The following EIF4G3 variants were observed in gnomAD, a reference collection of about 807,000 sequenced individuals.
The protein encoded by EIF4G3 is eukaryotic translation initiation factor 4 gamma 3.
Under a neutral mutation model 186.4 loss-of-function variants are expected in EIF4G3, and 34 were observed. The observed-to-expected ratio is 0.18, with a 90% confidence interval of 0.14 to 0.24. EIF4G3 has a LOEUF of 0.24. EIF4G3 is among the 10% of genes least tolerant of loss of function. The pLI is 1.00. For missense variants in EIF4G3, 1,536 were observed against 1,948.5 expected (o/e 0.79, Z 3.99); for synonymous variants, 673 against 679.5 (o/e 0.99, Z 0.15).
At chr1:21,134,902 T>C (rs2097212458) in intron 2 of EIF4G3, among the ~76,000 whole-genome samples, 2 of 152,064 alleles carry the variant, frequency 1.3e-5, no homozygotes, top group African/African-American at 2.4e-5. Flanking sequence ...TCTCTAACAG[T>C]TACCAATCTC....
intron 2 of EIF4G3, chr1:21,175,373 C>T (rs981540349): frequency 5.9e-5 from 9 of 152,166 alleles, no homozygotes; most frequent in African/African-American, 2.2e-4. Flanking sequence ...GACTTTCCTC[C>T]AGAAGCCCTG....
rs1411376450 is a variant in EIF4G3 at position 20,941,832 on chromosome 1, A to G, written c.1322T>C (p.Leu441Pro). The change falls in exon 14 of 37, where the codon CTT becomes CCT. Residue 441 changes from leucine (L) to proline (P), a missense_variant. Around this residue, in one of 11 missense-constraint regions of EIF4G3, gnomAD observed 560 missense variants for 547.8 expected, o/e 1.02. Coordinates refer to ENST00000602326, the MANE Select transcript of EIF4G3 (RefSeq NM_001391906.1). ...IVKQEVLPLT[L>P]ELEILENPPE... ...GGGATTTTCGAGAATCTCCAATTCAAGAGTCAATGGCAATACTTCCTGTTT... is the reference window on the plus strand; with the variant it reads ...GGGATTTTCGAGAATCTCCAATTCAGGAGTCAATGGCAATACTTCCTGTTT... The G allele has an allele frequency of 1.9e-6, 3 of 1,614,140 alleles. No individual in the cohort carries two copies. The highest frequency in any genetic ancestry group is 2.5e-6 in the Non-Finnish European group (3 of 1,180,012).
chr1:21,002,918 T>C (rs2083909483), intron 4 of EIF4G3, 110 bp from the exon 5 acceptor site: 1 of 562,670 alleles, frequency 1.8e-6, no homozygotes, highest in Non-Finnish European at 3.1e-6. Flanking sequence ...ATGTGGTTTA[T>C]ATTCTACTTT....
At chr1:21,124,467 C>A (rs570601081) in intron 2 of EIF4G3, among the ~76,000 whole-genome samples, 1 of 152,154 alleles carries the variant, frequency 6.6e-6, no homozygotes, top group South Asian at 2.1e-4. Flanking sequence ...TTATGGAAAT[C>A]TAAAGGGTAG....
At chr1:20,823,990 C>A (rs2063018270) in intron 33 of EIF4G3, among the ~76,000 whole-genome samples, 1 of 152,230 alleles carries the variant, frequency 6.6e-6, no homozygotes, top group African/African-American at 2.4e-5. Flanking sequence ...CAAGGTAATA[C>A]TGAACTGGGA....
intron 2 of EIF4G3, among the ~76,000 whole-genome samples, chr1:21,140,821 T>TA (rs2102648108): frequency 6.6e-6 from 1 of 152,340 alleles, no homozygotes; most frequent in East Asian, 1.9e-4. Context: ...AAGCTTCAAT[T>TA]ACGTTCTTCA....
At chr1:20,846,963 C>T (rs1284728543) in intron 29 of EIF4G3, among the ~76,000 whole-genome samples, 1 of 152,138 alleles carries the variant, frequency 6.6e-6, no homozygotes, top group East Asian at 1.9e-4. Flanking sequence ...ACAATAGCAC[C>T]TAATAGGAAG....
chr1:21,004,962 G>A lies in EIF4G3; in HGVS notation c.-66-2154C>T, dbSNP rs1423284757. Among the ~76,000 whole-genome samples the A allele has an allele frequency of 8.6e-5, 13 of 151,990 alleles. No individual in the cohort carries two copies. The East Asian group carries it at 2.5e-3, about 29-fold the overall frequency. Reference sequence around the variant, plus strand: ...TCCTACTCTAGTTCTACTAAATCTAGCCACTAACCTAAAAATATGGCAGCA... The same window carrying A: ...TCCTACTCTAGTTCTACTAAATCTAACCACTAACCTAAAAATATGGCAGCA... On this transcript the variant is annotated intron_variant, in intron 4 of 36. Coordinates refer to ENST00000602326, the MANE Select transcript of EIF4G3 (RefSeq NM_001391906.1).
chr1:20,926,693 A>AAAT (rs1447564598), intron 14 of EIF4G3, among the ~76,000 whole-genome samples: 3 of 151,756 alleles, frequency 2.0e-5, no homozygotes, highest in South Asian at 2.1e-4. Flanking sequence ...AAAAAAAAAA[A>AAAT]AACTACAATT....
At chr1:20,816,821 A>G (rs1260527229) in intron 34 of EIF4G3, among the ~76,000 whole-genome samples, 2 of 94,386 alleles carry the variant, frequency 2.1e-5, no homozygotes, top group African/African-American at 7.4e-5. Context: ...GTGGGGAAAA[A>G]ATTGAGAAAT....
intron 33 of EIF4G3, among the ~76,000 whole-genome samples, chr1:20,819,878 T>C (rs1269192333): frequency 1.4e-5 from 2 of 146,260 alleles, no homozygotes; most frequent in Non-Finnish European, 3.0e-5. Flanking sequence ...GGAGAGGGAG[T>C]GGAGAAGGAG....
intron 3 of EIF4G3, among the ~76,000 whole-genome samples, chr1:21,058,158 A>G (rs2094655367): frequency 6.6e-6 from 1 of 152,192 alleles, no homozygotes; most frequent in Non-Finnish European, 1.5e-5. Flanking sequence ...TCATTCTTAC[A>G]TGACTCCAGA....
chr1:20,844,004 G>A (rs906634557), intron 29 of EIF4G3, among the ~76,000 whole-genome samples: 2 of 152,176 alleles, frequency 1.3e-5, no homozygotes, highest in African/African-American at 4.8e-5. Context: ...TTGTATGGCT[G>A]TATAATATTT....
intron 3 of EIF4G3, among the ~76,000 whole-genome samples, chr1:21,079,247 A>G (rs921196994): frequency 1.3e-5 from 2 of 152,178 alleles, no homozygotes; most frequent in Non-Finnish European, 2.9e-5. Flanking sequence ...ATCCTAGCCT[A>G]CTCAATAGTG....
chr1:21,059,547 A>T (rs1232178157), intron 3 of EIF4G3, among the ~76,000 whole-genome samples: 1 of 152,134 alleles, frequency 6.6e-6, no homozygotes, highest in Non-Finnish European at 1.5e-5. Flanking sequence ...AACCACCAAG[A>T]AAAAAAGAGA....
At chr1:21,146,959 T>C (rs899541393) in intron 2 of EIF4G3, among the ~76,000 whole-genome samples, 2 of 151,982 alleles carry the variant, frequency 1.3e-5, no homozygotes, top group Non-Finnish European at 2.9e-5. Flanking sequence ...AAAGATATAG[T>C]TGTTTCAGAA....
intron 7 of EIF4G3, 40 bp downstream of exon 7, chr1:20,997,561 A>T (rs758090509): frequency 1.9e-6 from 3 of 1,539,642 alleles, no homozygotes; most frequent in Non-Finnish European, 2.6e-6. Flanking sequence ...GCCCCCATCT[A>T]TTAGTTAAGG....
chr1:21,157,070 T>C (rs980295148), intron 2 of EIF4G3, among the ~76,000 whole-genome samples: 5 of 152,064 alleles, frequency 3.3e-5, no homozygotes, highest in Non-Finnish European at 5.9e-5. Context: ...AAAATAATAA[T>C]AAATGAATAA....
intron 2 of EIF4G3, among the ~76,000 whole-genome samples, chr1:21,160,033 G>A (rs1366748346): frequency 1.3e-5 from 2 of 151,876 alleles, no homozygotes; most frequent in Non-Finnish European, 2.9e-5. Flanking sequence ...CTTGAACCTG[G>A]GAGGCAGAGG....
Sources: gnomAD v4.1 joint callset for allele counts (sites outside exome capture counted in the v4.1 genomes callset) on GRCh38, gnomAD v4.1.1 for gene constraint, gnomAD v4.1.1 regional missense constraint, MANE v1.5 for transcripts, NCBI Gene and HGNC (gene_info 2026-07-23, HGNC 2026-07-21) for gene names.